Variants in PCDH9 observed in about 807,000 individuals in gnomAD.
The protein encoded by PCDH9 is protocadherin-9.
In PCDH9, 24 loss-of-function variants were observed where a neutral mutation model predicts 70.6. That is an observed-to-expected ratio of 0.34 (90% CI 0.25 to 0.48). The LOEUF (loss-of-function observed/expected upper bound fraction) is 0.48, where lower values mean the gene tolerates loss of function less well. PCDH9 is among the 20% of genes least tolerant of loss of function. The probability of loss-of-function intolerance (pLI) is 0.99; values close to 1 mark genes in which losing one functional copy is unlikely to be tolerated. For synonymous variants in PCDH9, 562 were observed against 558.5 expected (o/e 1.01, Z -0.09); for missense variants, 1,281 against 1,503.6 (o/e 0.85, Z 2.45).
At chr13:66,554,071 T>C (rs566264036) in intron 4 of PCDH9, among the ~76,000 whole-genome samples, 3 of 152,238 alleles carry the variant, frequency 2.0e-5, no homozygotes, top group Admixed American at 6.5e-5. Flanking sequence ...AACAAAGAAA[T>C]GGTTAGTCCA....
chr13:66,899,786 T>C (rs2082247643), intron 3 of PCDH9, among the ~76,000 whole-genome samples: 1 of 152,014 alleles, frequency 6.6e-6, no homozygotes, highest in Non-Finnish European at 1.5e-5. Context: ...TCGATTTTAA[T>C]CATTGCAATG....
chr13:66,941,738 T>C (rs530380465), intron 2 of PCDH9, among the ~76,000 whole-genome samples: 2 of 151,878 alleles, frequency 1.3e-5, no homozygotes, highest in Non-Finnish European at 2.9e-5. Flanking sequence ...AGTTTCAATA[T>C]ACATGAAGTA....
At chr13:66,887,138 T>A (rs1472183429) in intron 3 of PCDH9, among the ~76,000 whole-genome samples, 1 of 151,946 alleles carries the variant, frequency 6.6e-6, no homozygotes, top group Admixed American at 6.6e-5. Flanking sequence ...ATGCCTTTTT[T>A]TTTTTCTGGA....
chr13:66,770,227 G>A lies in PCDH9; in HGVS notation c.3138+133277C>T, dbSNP rs373905571. Among the ~76,000 whole-genome samples, 36 of 152,108 alleles carry A rather than the reference G, an allele frequency of 2.4e-4. No homozygotes were observed. In the East Asian group the frequency reaches 3.7e-3, roughly 16 times the overall value. On this transcript the variant is annotated intron_variant, in intron 3 of 4. Coordinates refer to ENST00000377865, the MANE Select transcript of PCDH9 (RefSeq NM_203487.3). The stretch of plus-strand genomic sequence containing the variant: ...GATCAGCTTAAAGAATAGGGAGGAG[G>A]GTGAGGGATAAAAGACTACACACTG...
At chr13:66,948,267 G>T (rs1369617273) in intron 2 of PCDH9, among the ~76,000 whole-genome samples, 1 of 152,056 alleles carries the variant, frequency 6.6e-6, no homozygotes, top group Non-Finnish European at 1.5e-5. Context: ...AACAGATGCA[G>T]TTCATGCCAG....
intron 3 of PCDH9, among the ~76,000 whole-genome samples, chr13:66,747,368 AACAAAACAAAACAAAACAAAACAAAAC>A (rs937141078): frequency 7.4e-5 from 5 of 67,138 alleles, no homozygotes; most frequent in South Asian, 4.9e-4. Context: ...AACAAAACAA[AACAAAACAAAACAAAACAAAACAAAAC>A]ACAAAAAGCA....
chr13:66,926,204 C>A (rs1165004002), intron 2 of PCDH9, among the ~76,000 whole-genome samples: 25 of 151,926 alleles, frequency 1.6e-4, no homozygotes, highest in Admixed American at 1.6e-3. Flanking sequence ...TCTTTAGATT[C>A]ATTAAATGAT....
intron 3 of PCDH9, among the ~76,000 whole-genome samples, chr13:66,637,913 CAAA>C (rs10716518): frequency 5.1e-5 from 7 of 137,388 alleles, no homozygotes; most frequent in Admixed American, 7.3e-5. Context: ...GACTCCTTCT[CAAA>C]AAAAAAAAAA....
chr13:66,448,138 C>A (rs1300526577), intron 4 of PCDH9, among the ~76,000 whole-genome samples: 2 of 152,076 alleles, frequency 1.3e-5, no homozygotes, highest in African/African-American at 2.4e-5. Flanking sequence ...CTTTAGGAAG[C>A]AATTTCTCAG....
At chr13:66,720,061 G>A (rs911887493) in intron 3 of PCDH9, among the ~76,000 whole-genome samples, 4 of 152,118 alleles carry the variant, frequency 2.6e-5, no homozygotes, top group African/African-American at 9.7e-5. Context: ...TAGCTCTTAG[G>A]ATGACTAAAG....
chr13:66,577,808 C>T (rs2076835982), intron 4 of PCDH9, among the ~76,000 whole-genome samples: 1 of 151,962 alleles, frequency 6.6e-6, no homozygotes, highest in Admixed American at 6.6e-5. Flanking sequence ...TTCAGATGCT[C>T]AGCAAACTTG....
chr13:66,473,687 T>C (rs1958663357), intron 4 of PCDH9, among the ~76,000 whole-genome samples: 1 of 152,162 alleles, frequency 6.6e-6, no homozygotes, highest in South Asian at 2.1e-4. Flanking sequence ...ATACAAAATA[T>C]CTTAAACCAC....
intron 3 of PCDH9, among the ~76,000 whole-genome samples, chr13:66,726,456 TTA>T (rs200437228): frequency 0.017 from 2,575 of 152,282 alleles, 80 homozygotes; most frequent in African/African-American, 0.059. Flanking sequence ...GTGAATCTGT[TTA>T]AAGCATAACA....
At chr13:67,027,024 A>G (rs1011325095) in intron 2 of PCDH9, among the ~76,000 whole-genome samples, 8 of 152,176 alleles carry the variant, frequency 5.3e-5, no homozygotes, top group African/African-American at 1.9e-4. Flanking sequence ...CATCCCCATC[A>G]AGCTACCAAT....
intron 4 of PCDH9, among the ~76,000 whole-genome samples, chr13:66,357,097 G>T (rs996774104): frequency 6.6e-6 from 1 of 151,968 alleles, no homozygotes; most frequent in Non-Finnish European, 1.5e-5. Flanking sequence ...GAGAAGAGAA[G>T]CATGATATGA....
At position 66,774,544 on chromosome 13, in the gene PCDH9, G is replaced by A. The variant is rs182229129; in HGVS notation, c.3138+128960C>T. ...GCATAGAAAATGGACAGATTGAGGC[G>A]GCTGTGTACTGTGTTTATATTTTAG... On this transcript the variant is annotated intron_variant, in intron 3 of 4. Coordinates refer to ENST00000377865, the MANE Select transcript of PCDH9 (RefSeq NM_203487.3). 9.9e-5 allele frequency among the ~76,000 whole-genome samples: 15 copies of A among 152,194 alleles called. No homozygotes were observed. The South Asian group carries it at 2.3e-3, about 23-fold the overall frequency.
rs143897227 is a variant in PCDH9, at chr13:66,755,395, G to C, written c.3139-123984C>G. ...TTGGAGAGCGACTGACATATCATAG[G>C]TGTCCAGCACATGTCTGTTTCGTTG... On this transcript the variant is annotated intron_variant, in intron 3 of 4. Transcript: ENST00000377865. 2.9e-3 allele frequency among the ~76,000 whole-genome samples: 448 copies of C among 152,262 alleles called. 4 individuals carry two copies. The highest frequency in any genetic ancestry group is 9.8e-3 in the African/African-American group (407 of 41,550).
chr13:67,091,829 T>G (rs1034132206), intron 2 of PCDH9, among the ~76,000 whole-genome samples: 1 of 152,186 alleles, frequency 6.6e-6, no homozygotes, highest in Non-Finnish European at 1.5e-5. Context: ...TTATTTATAG[T>G]GTCAATCCAC....
chr13:66,518,443 A>G (rs1959842426), intron 4 of PCDH9, among the ~76,000 whole-genome samples: 1 of 152,136 alleles, frequency 6.6e-6, no homozygotes, highest in African/African-American at 2.4e-5. Context: ...AATACTTTTA[A>G]AAGTTTCAAA....
Sources: gnomAD v4.1 joint callset for allele counts (sites outside exome capture counted in the v4.1 genomes callset) on GRCh38, gnomAD v4.1.1 for gene constraint, MANE v1.5 for transcripts, NCBI Gene and HGNC (gene_info 2026-07-23, HGNC 2026-07-21) for gene names.